The following DCAF8L2 variants were observed in gnomAD, a reference collection of about 807,000 sequenced individuals.
The protein encoded by DCAF8L2 is DDB1- and CUL4-associated factor 8-like protein 2.
For synonymous variants in DCAF8L2, 200 were observed against 190.9 expected, an observed-to-expected ratio of 1.05 and a Z score of -0.39; for missense variants, 430 against 490.7, an observed-to-expected ratio of 0.88 and a Z score of 1.17.
intron 1 of DCAF8L2, among the ~76,000 whole-genome samples, chrX:27,598,539 T>C (rs1926471036): frequency 8.9e-6 from 1 of 112,497 alleles, no homozygotes; most frequent in South Asian, 3.6e-4. Flanking sequence ...TACAAAAGCA[T>C]GTATTCCCAA....
intron 2 of DCAF8L2, among the ~76,000 whole-genome samples, chrX:27,652,502 C>CT (rs1236714834): frequency 8.9e-6 from 1 of 111,801 alleles, no homozygotes; most frequent in African/African-American, 3.3e-5. Flanking sequence ...GGCACAAACT[C>CT]TAAGGGTAGA....
chrX:27,736,162 G>A (rs1457866187), intron 4 of DCAF8L2, among the ~76,000 whole-genome samples: 1 of 110,380 alleles, frequency 9.1e-6, no homozygotes, highest in Non-Finnish European at 1.9e-5. Flanking sequence ...CCTGAATCAG[G>A]GCCACATGAA....
intron 2 of DCAF8L2, among the ~76,000 whole-genome samples, chrX:27,649,021 A>ATGGG (rs1569171470): frequency 8.9e-6 from 1 of 111,763 alleles, no homozygotes; most frequent in Non-Finnish European, 1.9e-5. Flanking sequence ...TCTGGGCCCC[A>ATGGG]GCCCAGACAC....
chrX:27,491,391 T>C, the DCAF8L2 span, among the ~76,000 whole-genome samples: 1 of 112,371 alleles, frequency 8.9e-6, no homozygotes, highest in African/African-American at 3.2e-5. Context: ...ATTTCTTTGG[T>C]AACATGGCTT....
At chrX:27,543,130 A>G in the DCAF8L2 span, among the ~76,000 whole-genome samples, 2 of 112,444 alleles carry the variant, frequency 1.8e-5, no homozygotes, top group African/African-American at 6.5e-5. Flanking sequence ...TCTTACATTT[A>G]AATCTTTAAT....
chrX:27,581,955 G>C, the DCAF8L2 span, among the ~76,000 whole-genome samples: 2 of 112,110 alleles, frequency 1.8e-5, no homozygotes, highest in East Asian at 5.6e-4. Flanking sequence ...TGGGAAAGAC[G>C]TGGGTTTATT....
intron 3 of DCAF8L2, among the ~76,000 whole-genome samples, chrX:27,692,434 AT>A (rs1930746403): frequency 8.9e-6 from 1 of 111,978 alleles, no homozygotes; most frequent in Non-Finnish European, 1.9e-5. Context: ...AATTTAATGT[AT>A]TAAGTGCCTA....
chrX:27,665,544 A>C, intron 2 of DCAF8L2, among the ~76,000 whole-genome samples: 1 of 112,223 alleles, frequency 8.9e-6, no homozygotes, highest in African/African-American at 3.2e-5. Context: ...AAGGATTGAG[A>C]GTATTGGCTC....
At chrX:27,606,739 T>G (rs1394150631) in intron 1 of DCAF8L2, among the ~76,000 whole-genome samples, 1 of 110,875 alleles carries the variant, frequency 9.0e-6, no homozygotes, top group African/African-American at 3.3e-5. Flanking sequence ...TTTTGGTTAA[T>G]TATTTCCTAC....
chrX:27,695,153 A>C (rs1930847714), intron 3 of DCAF8L2, among the ~76,000 whole-genome samples: 1 of 111,770 alleles, frequency 8.9e-6, no homozygotes. Flanking sequence ...TCACAGTAAT[A>C]GGCCTCAGTT....
At chrX:27,477,286 G>A in the DCAF8L2 span, among the ~76,000 whole-genome samples, 8 of 111,549 alleles carry the variant, frequency 7.2e-5, no homozygotes, top group East Asian at 1.1e-3. Flanking sequence ...TGTTTCTCTT[G>A]TTTTTGTTTT....
At chrX:27,649,245 T>C (rs1929058884) in intron 2 of DCAF8L2, among the ~76,000 whole-genome samples, 1 of 112,322 alleles carries the variant, frequency 8.9e-6, no homozygotes. Context: ...GTCTTTGTTA[T>C]TGTGAATAGT....
chrX:27,685,233 A>T (rs1434204547), intron 3 of DCAF8L2, among the ~76,000 whole-genome samples: 2 of 112,080 alleles, frequency 1.8e-5, no homozygotes, highest in Non-Finnish European at 3.8e-5. Flanking sequence ...GAGGTGGGAA[A>T]AATTTAAGTG....
the DCAF8L2 span, among the ~76,000 whole-genome samples, chrX:27,509,086 T>TC: frequency 9.0e-6 from 1 of 111,680 alleles, no homozygotes; most frequent in Non-Finnish European, 1.9e-5. Context: ...GAACAATAGT[T>TC]CAAGTGGTTT....
chrX:27,518,536 G>A, the DCAF8L2 span: 8 of 338,357 alleles, frequency 2.4e-5, no homozygotes, highest in Admixed American at 1.9e-4. Context: ...TCAGGAGTTC[G>A]AGACCAGCCT....
the DCAF8L2 span, among the ~76,000 whole-genome samples, chrX:27,547,992 C>G: frequency 1.9e-5 from 2 of 107,955 alleles, no homozygotes; most frequent in African/African-American, 3.4e-5. Context: ...CCCAGGCATG[C>G]CTCCTGTACA....
chrX:27,603,236 A>G (rs916467217), intron 1 of DCAF8L2, among the ~76,000 whole-genome samples: 2 of 111,107 alleles, frequency 1.8e-5, no homozygotes, highest in African/African-American at 6.5e-5. Flanking sequence ...TATTTCATAT[A>G]TTTTCTATTG....
the DCAF8L2 span, among the ~76,000 whole-genome samples, chrX:27,541,327 A>T: frequency 2.0e-5 from 2 of 102,256 alleles, no homozygotes; most frequent in Non-Finnish European, 4.0e-5. Context: ...ACTGAAATAA[A>T]TTTTTTTATT....
chrX:27,708,355 C>T (rs1931411608), intron 3 of DCAF8L2, among the ~76,000 whole-genome samples: 1 of 111,735 alleles, frequency 8.9e-6, no homozygotes, highest in Non-Finnish European at 1.9e-5. Flanking sequence ...GCATAGTATT[C>T]TATGGTGTAT....
Sources: gnomAD v4.1 joint callset for allele counts (sites outside exome capture counted in the v4.1 genomes callset) on GRCh38, gnomAD v4.1.1 for gene constraint, MANE v1.5 for transcripts, NCBI Gene and HGNC (gene_info 2026-07-23, HGNC 2026-07-21) for gene names.